The following ARHGAP32 variants were observed in gnomAD, a reference collection of about 807,000 sequenced individuals.
The protein encoded by ARHGAP32 is Rho GTPase activating protein 32.
ARHGAP32 carries 51 observed loss-of-function variants against 186.5 expected under a neutral mutation model. That is an observed-to-expected ratio of 0.27 (90% CI 0.22 to 0.35). The LOEUF is 0.35. Ranked by LOEUF, ARHGAP32 falls within the 10% of genes least tolerant of loss-of-function variation. The pLI, the probability that ARHGAP32 is intolerant of heterozygous loss-of-function variation, is 1.00. For missense variants in ARHGAP32, 2,186 were observed against 2,623.5 expected (o/e 0.83, Z 3.64); for synonymous variants, 950 against 964.3 (o/e 0.99, Z 0.27).
intron 1 of ARHGAP32, among the ~76,000 whole-genome samples, chr11:129,216,785 T>G (rs952069533): frequency 1.1e-4 from 17 of 152,012 alleles, no homozygotes; most frequent in African/African-American, 3.6e-4. Flanking sequence ...ACTCAAAAAT[T>G]TATTTAAAGA....
chr11:129,058,569 T>C (rs1233209249), intron 10 of ARHGAP32, among the ~76,000 whole-genome samples: 1 of 152,204 alleles, frequency 6.6e-6, no homozygotes, highest in East Asian at 1.9e-4. Flanking sequence ...TTTTCACCCC[T>C]ACTGAGGCCC....
chr11:129,185,387 G>A (rs557534829), intron 1 of ARHGAP32, among the ~76,000 whole-genome samples: 402 of 152,252 alleles, frequency 2.6e-3, no homozygotes, highest in African/African-American at 9.2e-3. Context: ...TTACTCATAG[G>A]TGGGAATTGA....
At chr11:129,197,191 G>C (rs1435759354), upstream of ARHGAP32, among the ~76,000 whole-genome samples, 1 of 152,172 alleles carries the variant, frequency 6.6e-6, no homozygotes, top group East Asian at 1.9e-4. Context: ...TGATCTCACA[G>C]TTTTTTATTT....
At chr11:129,262,826 A>C (rs1403236691) in intron 1 of ARHGAP32, among the ~76,000 whole-genome samples, 1 of 152,236 alleles carries the variant, frequency 6.6e-6, no homozygotes, top group East Asian at 1.9e-4. Flanking sequence ...ACTTTATTTT[A>C]CTGTACCAAA....
At position 129,139,409 on chromosome 11, in the gene ARHGAP32, T is replaced by C. The variant is rs182782171; in HGVS notation, c.226-14515A>G. ...CCCCTGCCCAATCGATTTTATGGTATATTAGTGAAATTAAAATTTCTAAAA... is the reference window on the plus strand; with the variant it reads ...CCCCTGCCCAATCGATTTTATGGTACATTAGTGAAATTAAAATTTCTAAAA... On this transcript the variant is annotated intron_variant, in intron 2 of 22. Transcript: ENST00000682385. Among the ~76,000 whole-genome samples the C allele has an allele frequency of 4.2e-3, 637 of 152,308 alleles. 9 individuals are homozygous for C. Among genetic ancestry groups the C allele is most frequent in the African/African-American group, 0.014 (597 of 41,566 alleles).
intron 10 of ARHGAP32, among the ~76,000 whole-genome samples, chr11:129,056,044 C>CTCCT (rs1940240994): frequency 6.6e-6 from 1 of 152,144 alleles, no homozygotes. Flanking sequence ...GGCCCTGGTG[C>CTCCT]TCCTTAGACC....
chr11:129,248,212 CAAAAAAA>C (rs61454534), intron 1 of ARHGAP32, among the ~76,000 whole-genome samples: 1 of 122,004 alleles, frequency 8.2e-6, no homozygotes, highest in Non-Finnish European at 1.7e-5. Flanking sequence ...TTGGCTGTCT[CAAAAAAA>C]AAAAAAAAAA....
At chr11:129,094,775 C>T (rs1355349214) in intron 5 of ARHGAP32, among the ~76,000 whole-genome samples, 1 of 152,158 alleles carries the variant, frequency 6.6e-6, no homozygotes, top group African/African-American at 2.4e-5. Flanking sequence ...CGTCAATTTG[C>T]AAACGCGGTC....
chr11:129,098,163 G>A (rs1486058442), intron 5 of ARHGAP32, among the ~76,000 whole-genome samples: 1 of 152,108 alleles, frequency 6.6e-6, no homozygotes, highest in Admixed American at 6.6e-5. Context: ...GTTACCACTA[G>A]ACCTGCCAAA....
intron 1 of ARHGAP32, among the ~76,000 whole-genome samples, chr11:129,238,631 T>C (rs1461930751): frequency 1.3e-5 from 2 of 152,092 alleles, no homozygotes; most frequent in Non-Finnish European, 2.9e-5. Flanking sequence ...TAGTCCCAGC[T>C]ACTTACAAGG....
chr11:129,075,442 A>C (rs770155274), intron 6 of ARHGAP32, among the ~76,000 whole-genome samples: 49 of 152,334 alleles, frequency 3.2e-4, no homozygotes, highest in Non-Finnish European at 6.2e-4. Context: ...AAGACATAAA[A>C]CAATCTTTAA....
At chr11:129,091,268 T>C (rs1197987955) in intron 6 of ARHGAP32, among the ~76,000 whole-genome samples, 7 of 152,180 alleles carry the variant, frequency 4.6e-5, no homozygotes, top group African/African-American at 1.7e-4. Flanking sequence ...ATATTTTTAC[T>C]ATCACTAAGA....
chr11:129,179,223 A>G (rs1460494514), intron 1 of ARHGAP32, among the ~76,000 whole-genome samples: 147 of 151,338 alleles, frequency 9.7e-4, no homozygotes, highest in African/African-American at 3.1e-3. Context: ...TCAGAGAAAT[A>G]CAAATCAAAA....
At chr11:129,235,733 C>T (rs779415813) in intron 1 of ARHGAP32, among the ~76,000 whole-genome samples, 2 of 152,010 alleles carry the variant, frequency 1.3e-5, no homozygotes, top group African/African-American at 2.4e-5. Context: ...CCTGAAAGTC[C>T]CTCAAAGTCC....
intron 1 of ARHGAP32, among the ~76,000 whole-genome samples, chr11:129,221,858 A>G (rs1018393462): frequency 6.6e-6 from 1 of 151,930 alleles, no homozygotes; most frequent in Non-Finnish European, 1.5e-5. Flanking sequence ...CTATGCTCCA[A>G]CCCTCTTCTT....
At position 129,123,748 on chromosome 11, in the gene ARHGAP32, G is replaced by C. The variant is rs918342318; in HGVS notation, c.359+140C>G. ...CAGATCAAAACCCAAAATAAAAAAA[G>C]CATCACCGTTATCTCCTAATTTTGA... is the stretch of plus-strand genomic sequence containing the variant. On this transcript the variant is annotated intron_variant, in intron 4 of 22. Transcript: ENST00000682385. This position sits in a 1 kb window ranked among gnomAD's most constrained non-coding sequence, Gnocchi z 4.6. The C allele has an allele frequency of 9.4e-6, 7 of 745,106 alleles. No homozygotes were observed. The highest frequency in any genetic ancestry group is 1.0e-5 in the Non-Finnish European group (5 of 482,786). The allele number at this position is 745,106 out of a possible 1,614,324, so 46.2% of individuals were successfully genotyped here.
intron 1 of ARHGAP32, among the ~76,000 whole-genome samples, chr11:129,197,675 A>G (rs1294783795): frequency 2.0e-5 from 3 of 152,202 alleles, no homozygotes; most frequent in South Asian, 2.1e-4. Flanking sequence ...AATATTTCCA[A>G]TGACTGAAGA....
At chr11:128,985,030 A>T (rs1247553795) in intron 15 of ARHGAP32, among the ~76,000 whole-genome samples, 1 of 151,382 alleles carries the variant, frequency 6.6e-6, no homozygotes, top group Admixed American at 6.6e-5. Flanking sequence ...CACAATTAGA[A>T]TTTTTTTTTA....
At chr11:129,269,989 T>C (rs892123450) in intron 1 of ARHGAP32, among the ~76,000 whole-genome samples, 2 of 151,884 alleles carry the variant, frequency 1.3e-5, no homozygotes, top group Non-Finnish European at 2.9e-5. Context: ...ATTCTTAACA[T>C]ATGATCCCGC....
Sources: gnomAD v4.1 joint callset for allele counts (sites outside exome capture counted in the v4.1 genomes callset) on GRCh38, gnomAD v4.1.1 for gene constraint, Gnocchi (gnomAD v3.1) non-coding constraint, MANE v1.5 for transcripts, NCBI Gene and HGNC (gene_info 2026-07-23, HGNC 2026-07-21) for gene names.